DLGAP5: variants seen among roughly 807,000 people sequenced by gnomAD.
DLGAP5 encodes the protein DLG associated protein 5.
A neutral mutation model predicts 99.6 loss-of-function variants in DLGAP5; 90 were observed. The observed-to-expected ratio is 0.90, with a 90% CI of 0.76 to 1.08. The LOEUF (loss-of-function observed/expected upper bound fraction) is 1.08. Among genes scored for constraint, DLGAP5 ranks in the 50% least tolerant of loss-of-function variants. The pLI is 0.00. For missense variants in DLGAP5, 1,036 were observed against 983.5 expected (o/e 1.05, Z -0.71); for synonymous variants, 311 against 321.3 (o/e 0.97, Z 0.34).
intron 10 of DLGAP5, among the ~76,000 whole-genome samples, chr14:55,172,711 C>T (rs1001661651): frequency 6.6e-6 from 1 of 151,964 alleles, no homozygotes; most frequent in Non-Finnish European, 1.5e-5. Context: ...GGGTCGGGCA[C>T]GGTGGCTCTC....
intron 15 of DLGAP5, among the ~76,000 whole-genome samples, chr14:55,154,124 C>T (rs115001400): frequency 0.011 from 1,700 of 152,210 alleles, 33 homozygotes; most frequent in African/African-American, 0.039. Context: ...CATTAACTCC[C>T]CCCCCTTCAA....
At chr14:55,185,344 C>T (rs986349549) in intron 2 of DLGAP5, among the ~76,000 whole-genome samples, 13 of 152,268 alleles carry the variant, frequency 8.5e-5, no homozygotes, top group South Asian at 2.1e-4. Context: ...GGATTACAGG[C>T]GCCCACCACC....
Position 55,150,895 on chromosome 14 carries a change from G to A in DLGAP5, c.2369-47C>T, listed in dbSNP as rs766850441. On this transcript the variant is annotated intron_variant, in intron 17 of 18. Transcript: ENST00000247191. The stretch of plus-strand genomic sequence containing the variant: ...CTTTTTAAAGAATATTCTCACATTC[G>A]AGGGCTGTTAGAAATGGACAAAGCC... The A allele has an allele frequency of 1.5e-5, 19 of 1,303,754 alleles. No homozygotes were observed. The East Asian group carries it at 1.5e-4, about 10-fold the overall frequency. The allele number at this position is 1,303,754 out of a possible 1,614,324, so 80.8% of individuals were successfully genotyped here. A position where few individuals can be genotyped will look rare whatever the true frequency, so the allele number is the denominator to read the frequency against.
At chr14:55,179,938 T>C (rs747236346) in intron 6 of DLGAP5, among the ~76,000 whole-genome samples, 1 of 152,110 alleles carries the variant, frequency 6.6e-6, no homozygotes, top group African/African-American at 2.4e-5. Flanking sequence ...GTATCCCTTA[T>C]CCAAAATGCT....
In DLGAP5 at chr14:55,183,220, T is replaced by C. The variant is rs535073867; in HGVS notation, c.432+340A>G. On this transcript the variant is annotated intron_variant, in intron 3 of 18. Coordinates refer to ENST00000247191, the MANE Select transcript of DLGAP5 (RefSeq NM_014750.5). Reference sequence around the variant, plus strand: ...GCTTCCCTTTCCAGACTAAAATCTTTAGGGCTATGGTATTTTCCTGAATTA... The same window carrying C: ...GCTTCCCTTTCCAGACTAAAATCTTCAGGGCTATGGTATTTTCCTGAATTA... 5.9e-5 allele frequency among the ~76,000 whole-genome samples: 9 copies of C among 152,328 alleles called. No homozygotes were observed. In the South Asian group the frequency reaches 1.9e-3, roughly 32 times the overall value.
At chr14:55,156,275 G>A (rs146179554) in intron 14 of DLGAP5, among the ~76,000 whole-genome samples, 1 of 152,110 alleles carries the variant, frequency 6.6e-6, no homozygotes, top group South Asian at 2.1e-4. Context: ...GCACAGCAAA[G>A]CAACTGTCAT....
At chr14:55,172,156 G>A (rs1358609934) in intron 10 of DLGAP5, among the ~76,000 whole-genome samples, 1 of 148,522 alleles carries the variant, frequency 6.7e-6, no homozygotes, top group East Asian at 2.0e-4. Context: ...GGGAGCCACC[G>A]AACCCGGCAG....
intron 11 of DLGAP5, 90 bp from the exon 12 acceptor site, chr14:55,169,649 T>TC: frequency 5.2e-6 from 6 of 1,147,266 alleles, no homozygotes; most frequent in Non-Finnish European, 7.1e-6. Flanking sequence ...ACTCCAAACA[T>TC]CCTAGGGCCT....
intron 2 of DLGAP5, among the ~76,000 whole-genome samples, chr14:55,187,267 G>A (rs1357682277): frequency 1.3e-5 from 2 of 149,728 alleles, no homozygotes; most frequent in Non-Finnish European, 2.9e-5. Context: ...TCTCCCTGAT[G>A]TCATACATAC....
Position 55,158,577 on chromosome 14 carries a change from T to G in DLGAP5, c.1818A>C (p.Lys606Asn). 2 of 1,614,146 alleles carry G rather than the reference T, an allele frequency of 1.2e-6. No homozygotes were observed. The highest frequency in any genetic ancestry group is 1.7e-6 in the Non-Finnish European group (2 of 1,180,010). ...AVSVIPKEVDKIVFDAGFFRV... is the reference protein window; with the variant it reads ...AVSVIPKEVDNIVFDAGFFRV... Reference sequence around the variant, plus strand: ...TGAAAAATCCAGCATCGAACACTATTTTATCAACTTCCTTTGGTATCACAG... The same window carrying G: ...TGAAAAATCCAGCATCGAACACTATGTTATCAACTTCCTTTGGTATCACAG... Residue 606 changes from lysine (K) to asparagine (N), a missense_variant, in exon 14 of 19, where the codon AAA (lysine) becomes AAC (asparagine). Physicochemically the swap from Lys to Asn is moderately conservative, Grantham distance 94 (BLOSUM62 0). Transcript: ENST00000247191.
At chr14:55,172,319 C>G (rs986716600) in intron 10 of DLGAP5, among the ~76,000 whole-genome samples, 1 of 142,560 alleles carries the variant, frequency 7.0e-6, no homozygotes, top group African/African-American at 2.6e-5. Flanking sequence ...GAAAACCAAT[C>G]TCTACTTAAA....
chr14:55,183,735 A>T lies in DLGAP5; in HGVS notation c.257T>A (p.Leu86Gln). ...GAGCATCTGTTTTCGTTGATCACCT[A>T]GAATAGTTTTCATTGCCCCTAGGCA... ...NVKPRAMKTI[L>Q]GDQRKQMLQK... The change falls in exon 3 of 19, where the codon CTA (leucine) becomes CAA (glutamine). Residue 86 changes from leucine (L) to glutamine (Q), a missense_variant. Coordinates refer to ENST00000247191, the MANE Select transcript of DLGAP5 (RefSeq NM_014750.5). The T allele has an allele frequency of 6.3e-7, 1 of 1,596,198 alleles. No homozygotes were observed.
At position 55,179,621 on chromosome 14, in the gene DLGAP5, T is replaced by C. The variant is rs1883210127; in HGVS notation, c.774+8A>G. The C allele has an allele frequency of 1.2e-6, 2 of 1,606,952 alleles. No individual in the cohort carries two copies. Among genetic ancestry groups the C allele is most frequent in the African/African-American group, 1.3e-5 (1 of 74,794 alleles). ...GCATCTAGAATTAAAAAGATGTTTA[T>C]TCTCTACCTTGTCGGGTTTTGTTTC... On this transcript the variant is annotated splice_region_variant and intron_variant, in intron 7 of 18. Transcript: ENST00000247191.
At chr14:55,178,768 C>G (rs1455468731) in intron 7 of DLGAP5, among the ~76,000 whole-genome samples, 1 of 152,022 alleles carries the variant, frequency 6.6e-6, no homozygotes, top group Non-Finnish European at 1.5e-5. Context: ...TTATACTGGC[C>G]AGGCGTGGTG....
chr14:55,148,540 A>G lies in DLGAP5; in HGVS notation c.2419-67T>C, dbSNP rs192337840. ...GAGTTTCACCAATTAATTCTTCAACATTCTATAGTGGATTAATTAATAACA... is the reference window on the plus strand; with the variant it reads ...GAGTTTCACCAATTAATTCTTCAACGTTCTATAGTGGATTAATTAATAACA... On this transcript the variant is annotated intron_variant, in intron 18 of 18. Transcript: ENST00000247191. 1.2e-3 allele frequency: 1,998 copies of G among 1,611,600 alleles called. 1 individual carries two copies. The highest frequency in any genetic ancestry group is 2.3e-3 in the Admixed American group (135 of 59,912).
intron 15 of DLGAP5, among the ~76,000 whole-genome samples, chr14:55,153,937 T>C (rs1882111584): frequency 6.6e-6 from 1 of 152,008 alleles, no homozygotes; most frequent in African/African-American, 2.4e-5. Context: ...GTGTCTGTAG[T>C]CCTAGCTACT....
Position 55,177,100 on chromosome 14 carries a change from C to G in DLGAP5, c.1011G>C (p.Leu337Phe). 5.3e-6 allele frequency: 8 copies of G among 1,514,108 alleles called. No individual in the cohort carries two copies. Among genetic ancestry groups the G allele is most frequent in the Non-Finnish European group, 6.2e-6 (7 of 1,135,740 alleles). 93.8% of individuals were successfully genotyped at this position (1,514,108 alleles called of 1,614,324 possible). A position where few individuals can be genotyped will look rare whatever the true frequency, so the allele number is the denominator to read the frequency against. The stretch of plus-strand genomic sequence containing the variant: ...AAGGAGTCCAGGTGTAACTGGGTGT[C>G]AAAAAAGCATTGGCACTTCTGGGAG... ...PMTPRSANAF[L>F]TPSYTWTPLK... The change falls in exon 8 of 19, where the codon TTG becomes TTC. Residue 337 changes from leucine to phenylalanine, a missense_variant. By Grantham distance (22) the Leu-to-Phe change is conservative. Coordinates refer to ENST00000247191, the MANE Select transcript of DLGAP5 (RefSeq NM_014750.5).
chr14:55,186,097 C>T lies in DLGAP5; in HGVS notation c.239-2344G>A, dbSNP rs554545898. On this transcript the variant is annotated intron_variant, in intron 2 of 18. Coordinates refer to ENST00000247191, the MANE Select transcript of DLGAP5 (RefSeq NM_014750.5). Reference sequence around the variant, plus strand: ...ACCAGCCTGACCAACATGGAGAAACCCTGTCTCTACTAAAAATACAAAATT... The same window carrying T: ...ACCAGCCTGACCAACATGGAGAAACTCTGTCTCTACTAAAAATACAAAATT... 3.4e-4 allele frequency among the ~76,000 whole-genome samples: 51 copies of T among 152,138 alleles called. 1 individual carries two copies. In the South Asian group the frequency reaches 9.1e-3, roughly 27 times the overall value.
intron 10 of DLGAP5, among the ~76,000 whole-genome samples, chr14:55,174,565 G>A (rs907034460): frequency 2.0e-5 from 3 of 152,060 alleles, no homozygotes; most frequent in Admixed American, 6.6e-5. Flanking sequence ...TGTCTCCCCC[G>A]GATGCCCAGC....
Sources: gnomAD v4.1 joint callset for allele counts (sites outside exome capture counted in the v4.1 genomes callset) on GRCh38, gnomAD v4.1.1 for gene constraint, MANE v1.5 for transcripts, NCBI Gene and HGNC (gene_info 2026-07-23, HGNC 2026-07-21) for gene names.